Variants in PTPRE observed in about 807,000 individuals in gnomAD.
PTPRE encodes protein tyrosine phosphatase receptor type E.
A neutral mutation model predicts 102.0 loss-of-function variants in PTPRE; 51 were observed. The observed-to-expected ratio is 0.50, with a 90% confidence interval of 0.40 to 0.63. The LOEUF (loss-of-function observed/expected upper bound fraction) is 0.63. Among genes scored for constraint, PTPRE ranks in the 30% least tolerant of loss-of-function variants. The pLI, the probability that PTPRE is intolerant of heterozygous loss-of-function variation, is 0.00. For synonymous variants in PTPRE, 345 were observed against 348.2 expected, an observed-to-expected ratio of 0.99 and a Z score of 0.10; for missense variants, 752 against 915.1, an observed-to-expected ratio of 0.82 and a Z score of 2.30.
At chr10:128,054,013 G>C (rs1330358271) in intron 6 of PTPRE, among the ~76,000 whole-genome samples, 2 of 152,076 alleles carry the variant, frequency 1.3e-5, no homozygotes, top group African/African-American at 4.8e-5. Context: ...CACCCGCCTC[G>C]ACTTCCAAAG....
chr10:127,951,523 C>CAATAGAG (rs981369787), intron 1 of PTPRE, among the ~76,000 whole-genome samples: 1 of 152,098 alleles, frequency 6.6e-6, no homozygotes, highest in African/African-American at 2.4e-5. Flanking sequence ...GTCAGGTGAT[C>CAATAGAG]AATAGAGTTT....
intron 11 of PTPRE, among the ~76,000 whole-genome samples, chr10:128,067,074 CCACACACAGG>C (rs1201565185): frequency 6.7e-5 from 10 of 149,348 alleles, no homozygotes; most frequent in African/African-American, 1.7e-4. Flanking sequence ...ACACGTACAC[CCACACACAGG>C]CACACACATG....
intron 15 of PTPRE, chr10:128,071,741 G>A (rs1299307148): frequency 1.1e-5 from 2 of 182,750 alleles, no homozygotes; most frequent in Non-Finnish European, 2.3e-5. Context: ...GAGCACTGCA[G>A]GCGAGTAGAG....
chr10:127,982,660 A>G (rs1851736510), intron 2 of PTPRE, among the ~76,000 whole-genome samples: 1 of 152,156 alleles, frequency 6.6e-6, no homozygotes, highest in African/African-American at 2.4e-5. Context: ...ACATCTGACC[A>G]GCGTTCAGGA....
intron 2 of PTPRE, among the ~76,000 whole-genome samples, chr10:128,013,963 G>A (rs376857175): frequency 1.1e-4 from 17 of 152,264 alleles, no homozygotes; most frequent in East Asian, 5.8e-4. Context: ...GCATGTGTGC[G>A]TGCAGGAGGC....
intron 1 of PTPRE, among the ~76,000 whole-genome samples, chr10:127,943,768 A>T (rs969125576): frequency 3.9e-5 from 6 of 152,186 alleles, no homozygotes; most frequent in Non-Finnish European, 7.3e-5. Flanking sequence ...AACTCTCTTA[A>T]TTCCAGACCT....
At chr10:128,006,873 A>G (rs1230727750) in intron 2 of PTPRE, among the ~76,000 whole-genome samples, 1 of 152,098 alleles carries the variant, frequency 6.6e-6, no homozygotes, top group African/African-American at 2.4e-5. Context: ...CAACCTCCCC[A>G]TTGTCACTGA....
intron 1 of PTPRE, among the ~76,000 whole-genome samples, chr10:127,949,819 C>T (rs12259945): frequency 0.02 from 2,993 of 152,160 alleles, 39 homozygotes; most frequent in South Asian, 0.05. Flanking sequence ...CTCAGCTTTG[C>T]GGAAATTTGG....
chr10:128,064,101 G>A (rs1564949730), intron 10 of PTPRE, among the ~76,000 whole-genome samples: 1 of 152,174 alleles, frequency 6.6e-6, no homozygotes, highest in Non-Finnish European at 1.5e-5. Context: ...ATTGTAGCGA[G>A]GACTGTGGGG....
At chr10:128,030,227 G>T (rs547923123) in intron 2 of PTPRE, among the ~76,000 whole-genome samples, 2 of 152,226 alleles carry the variant, frequency 1.3e-5, no homozygotes, top group African/African-American at 4.8e-5. Flanking sequence ...CTGCCCTGGC[G>T]AACAACGGGG....
chr10:127,974,293 G>A (rs371201045), intron 1 of PTPRE, among the ~76,000 whole-genome samples: 4 of 152,252 alleles, frequency 2.6e-5, no homozygotes, highest in East Asian at 3.9e-4. Flanking sequence ...TCTCTATTTC[G>A]CAGATGAAGA....
At chr10:128,034,378 G>A (rs1847033567) in intron 2 of PTPRE, among the ~76,000 whole-genome samples, 1 of 150,534 alleles carries the variant, frequency 6.6e-6, no homozygotes, top group South Asian at 2.1e-4. Context: ...CTTTTATAGA[G>A]TTAAAATTAT....
chr10:128,018,143 G>A (rs1845587014), intron 2 of PTPRE, among the ~76,000 whole-genome samples: 1 of 152,108 alleles, frequency 6.6e-6, no homozygotes, highest in South Asian at 2.1e-4. Context: ...TTCCGGAGGT[G>A]GTAGGAGCTT....
intron 2 of PTPRE, among the ~76,000 whole-genome samples, chr10:127,992,613 T>C (rs1852791582): frequency 6.6e-6 from 1 of 152,058 alleles, no homozygotes; most frequent in Non-Finnish European, 1.5e-5. Context: ...AACACCCGAG[T>C]TACCCTCAGG....
At chr10:127,930,624 A>G (rs1847358692) in intron 1 of PTPRE, among the ~76,000 whole-genome samples, 2 of 152,184 alleles carry the variant, frequency 1.3e-5, no homozygotes, top group Non-Finnish European at 2.9e-5. Context: ...TTTCACATGG[A>G]TAAGTAGATA....
chr10:128,068,314 C>T lies in PTPRE; in HGVS notation c.1007+28C>T. On this transcript the variant is annotated intron_variant, in intron 12 of 20. Coordinates refer to ENST00000254667, the MANE Select transcript of PTPRE (RefSeq NM_006504.6). ...ACGCTGTGGGGGCCACGGGGCGGGA[C>T]CCTCAAGGGCAGGCCACAGTGGGAT... The T allele has an allele frequency of 1.9e-6, 3 of 1,593,260 alleles. No homozygotes were observed. The African/African-American group carries it at 4.0e-5, about 21-fold the overall frequency.
At chr10:127,933,848 C>T (rs1045988765) in intron 1 of PTPRE, among the ~76,000 whole-genome samples, 2 of 152,104 alleles carry the variant, frequency 1.3e-5, no homozygotes, top group Non-Finnish European at 2.9e-5. Flanking sequence ...TCTTTCCAGG[C>T]CCCTACCGAA....
intron 2 of PTPRE, among the ~76,000 whole-genome samples, chr10:128,027,846 C>A (rs189237992): frequency 6.6e-6 from 1 of 152,304 alleles, no homozygotes; most frequent in African/African-American, 2.4e-5. Flanking sequence ...AGAGATGGTG[C>A]CCCTGACGTT....
intron 1 of PTPRE, among the ~76,000 whole-genome samples, chr10:127,917,801 A>C (rs1846313053): frequency 6.6e-6 from 1 of 152,154 alleles, no homozygotes; most frequent in Admixed American, 6.5e-5. Context: ...AGGCCAAGGT[A>C]GGTGGATCAC....
Sources: gnomAD v4.1 joint callset for allele counts (sites outside exome capture counted in the v4.1 genomes callset) on GRCh38, gnomAD v4.1.1 for gene constraint, MANE v1.5 for transcripts, NCBI Gene and HGNC (gene_info 2026-07-23, HGNC 2026-07-21) for gene names.